Variants in HECTD2 observed in about 807,000 individuals in gnomAD.
HECTD2 encodes HECT domain E3 ubiquitin protein ligase 2, also known as probable E3 ubiquitin-protein ligase HECTD2.
Under a neutral mutation model 103.2 loss-of-function variants are expected in HECTD2, and 35 were observed. The ratio of observed to expected loss-of-function variants is 0.34; its 90% CI spans 0.26 to 0.45. The LOEUF (loss-of-function observed/expected upper bound fraction) is 0.45, where lower values mean the gene tolerates loss of function less well. Ranked by LOEUF, HECTD2 falls within the 20% of genes least tolerant of loss-of-function variation. The probability of loss-of-function intolerance (pLI) is 1.00; values close to 1 mark genes in which losing one functional copy is unlikely to be tolerated. For synonymous variants in HECTD2, 281 were observed against 329.9 expected (o/e 0.85, Z 1.61); for missense variants, 596 against 937.4 (o/e 0.64, Z 4.76).
chr10:91,460,546 A>C lies in HECTD2; in HGVS notation c.388A>C (p.Lys130Gln). 1 of 1,610,334 alleles carries C rather than the reference A, an allele frequency of 6.2e-7. No individual in the cohort carries two copies. Among genetic ancestry groups the C allele is most frequent in the Non-Finnish European group, 8.5e-7 (1 of 1,178,660 alleles). ...AGAACCTATTCTTCCTATCCAGCCC[A>C]AAACTGTGAAAGACTTTCAGTAAGT... ...LPEPILPIQP[K>Q]TVKDFQEDVE... is the part of the protein sequence containing the mutation. Residue 130 changes from lysine (K) to glutamine (Q), a missense_variant, in exon 3 of 21, where the codon AAA (lysine) becomes CAA (glutamine). Physicochemically the swap from Lys to Gln is moderately conservative, Grantham distance 53. Coordinates refer to ENST00000298068, the MANE Select transcript of HECTD2 (RefSeq NM_182765.6).
At chr10:91,427,054 T>A (rs1307549335) in intron 2 of HECTD2, among the ~76,000 whole-genome samples, 1 of 132,914 alleles carries the variant, frequency 7.5e-6, no homozygotes, top group Non-Finnish European at 1.6e-5. Flanking sequence ...CCTGTGTCCA[T>A]GTGTTCTCAT....
At chr10:91,499,387 A>G (rs988421876) in intron 18 of HECTD2, among the ~76,000 whole-genome samples, 2 of 152,130 alleles carry the variant, frequency 1.3e-5, no homozygotes, top group Non-Finnish European at 2.9e-5. Flanking sequence ...TTAGAGCTTT[A>G]CAAACTTTCT....
chr10:91,482,102 T>A (rs1846109103), intron 7 of HECTD2, among the ~76,000 whole-genome samples: 1 of 151,762 alleles, frequency 6.6e-6, no homozygotes. Context: ...AGCTCAGATT[T>A]TAGGTGAGTA....
chr10:91,502,861 T>A (rs938477602), intron 20 of HECTD2, among the ~76,000 whole-genome samples: 14 of 152,194 alleles, frequency 9.2e-5, no homozygotes, highest in African/African-American at 3.4e-4. Context: ...CTAACATGGC[T>A]TCAACATGAA....
At chr10:91,423,153 T>C (rs953362203) in intron 1 of HECTD2, among the ~76,000 whole-genome samples, 1 of 152,134 alleles carries the variant, frequency 6.6e-6, no homozygotes, top group Non-Finnish European at 1.5e-5. Flanking sequence ...TACTGTCACA[T>C]GTTAAGCCCT....
At chr10:91,429,621 C>G (rs1249504378) in intron 2 of HECTD2, among the ~76,000 whole-genome samples, 1 of 152,104 alleles carries the variant, frequency 6.6e-6, no homozygotes, top group Non-Finnish European at 1.5e-5. Flanking sequence ...GTGTATGTGT[C>G]GAGGAATTTA....
intron 2 of HECTD2, among the ~76,000 whole-genome samples, chr10:91,455,311 C>G (rs1475621371): frequency 2.0e-5 from 3 of 152,174 alleles, no homozygotes; most frequent in Non-Finnish European, 2.9e-5. Context: ...TTGCATTTCT[C>G]TGATGGCCAA....
intron 2 of HECTD2, among the ~76,000 whole-genome samples, chr10:91,440,179 AG>A (rs1844341526): frequency 6.7e-6 from 1 of 149,834 alleles, no homozygotes; most frequent in South Asian, 2.1e-4. Flanking sequence ...GAATGCTTCC[AG>A]CTTTTGCCCA....
intron 5 of HECTD2, among the ~76,000 whole-genome samples, chr10:91,470,323 C>A (rs1845680017): frequency 1.3e-5 from 2 of 152,138 alleles, no homozygotes; most frequent in African/African-American, 2.4e-5. Flanking sequence ...TAAAACAATT[C>A]TCAGCAAACT....
rs182665878 is a variant in HECTD2, at chr10:91,470,758, A to G, written c.601-7443A>G. ...AGAAATGGAAACCCTAAACAGACCA[A>G]TAATGAGCTCTGAAATTGAATCAGT... On this transcript the variant is annotated intron_variant, in intron 5 of 20. Transcript: ENST00000298068. 8.2e-4 allele frequency among the ~76,000 whole-genome samples: 125 copies of G among 152,222 alleles called. 2 individuals carry two copies. Among genetic ancestry groups the G allele is most frequent in the African/African-American group, 2.9e-3 (122 of 41,530 alleles).
chr10:91,458,784 A>C (rs563133242), intron 2 of HECTD2, among the ~76,000 whole-genome samples: 1 of 151,862 alleles, frequency 6.6e-6, no homozygotes, highest in Non-Finnish European at 1.5e-5. Context: ...GGACTTTTAG[A>C]AAAAAAATGA....
chr10:91,460,390 T>C (rs574666940), intron 2 of HECTD2, 37 bp from the exon 3 acceptor site: 1 of 1,501,986 alleles, frequency 6.7e-7, no homozygotes, highest in Non-Finnish European at 9.0e-7. Flanking sequence ...AAAAGTTTAA[T>C]GATTCATTAT....
intron 2 of HECTD2, among the ~76,000 whole-genome samples, chr10:91,440,425 G>A (rs1844361831): frequency 6.6e-6 from 1 of 152,158 alleles, no homozygotes; most frequent in Non-Finnish European, 1.5e-5. Flanking sequence ...CAGGGATGAA[G>A]CCAACTTGAT....
chr10:91,478,310 A>G (rs1160364388), intron 6 of HECTD2, 45 bp downstream of exon 6: 1 of 1,132,220 alleles, frequency 8.8e-7, no homozygotes, highest in Non-Finnish European at 1.3e-6. Flanking sequence ...ATAGATGTCT[A>G]ACTTACACAT....
At chr10:91,411,411 T>C (rs574973554) in intron 1 of HECTD2, among the ~76,000 whole-genome samples, 2 of 152,334 alleles carry the variant, frequency 1.3e-5, no homozygotes, top group Admixed American at 1.3e-4. Flanking sequence ...TTAAGTACTT[T>C]TTGAAAGTTT....
At chr10:91,506,813 C>G (rs1335724311) in intron 20 of HECTD2, among the ~76,000 whole-genome samples, 1 of 151,612 alleles carries the variant, frequency 6.6e-6, no homozygotes, top group East Asian at 1.9e-4. Flanking sequence ...CGGGCAGAGA[C>G]ACAACCAAAA....
At chr10:91,454,299 G>A (rs1367133865) in intron 2 of HECTD2, among the ~76,000 whole-genome samples, 1 of 152,074 alleles carries the variant, frequency 6.6e-6, no homozygotes, top group African/African-American at 2.4e-5. Flanking sequence ...AAATTTTGAA[G>A]AATTGAGATA....
chr10:91,484,678 T>A (rs1281451071), intron 9 of HECTD2, 23 bp downstream of exon 9: 29 of 1,551,286 alleles, frequency 1.9e-5, no homozygotes, highest in Admixed American at 8.3e-5. Flanking sequence ...TATTCTATCA[T>A]TTTTTACTTT....
At chr10:91,439,731 C>T (rs1251680639) in intron 2 of HECTD2, among the ~76,000 whole-genome samples, 2 of 151,952 alleles carry the variant, frequency 1.3e-5, no homozygotes, top group Non-Finnish European at 2.9e-5. Flanking sequence ...ATGTTTTTCC[C>T]TTTGTTTGTG....
Sources: allele counts gnomAD v4.1 joint callset (sites outside exome capture counted in the v4.1 genomes callset), GRCh38; gene constraint gnomAD v4.1.1; transcripts MANE v1.5; gene names NCBI Gene and HGNC (gene_info 2026-07-23, HGNC 2026-07-21).